The following KNL1 variants were observed in gnomAD, a reference collection of about 807,000 sequenced individuals.
KNL1 encodes the protein outer kinetochore KNL1 complex subunit KNL1.
Under a neutral mutation model 201.3 loss-of-function variants are expected in KNL1, and 66 were observed. The ratio of observed to expected loss-of-function variants is 0.33; its 90% CI spans 0.27 to 0.40. The LOEUF (loss-of-function observed/expected upper bound fraction) is 0.40, where lower values mean the gene tolerates loss of function less well. KNL1 is among the 10% of genes least tolerant of loss of function. The pLI is 1.00. For synonymous variants in KNL1, 895 were observed against 899.2 expected, an observed-to-expected ratio of 1.00 and a Z score of 0.08; for missense variants, 2,815 against 2,690.5, an observed-to-expected ratio of 1.05 and a Z score of -1.02.
In KNL1 at chr15:40,621,245, G is replaced by C. The variant is rs1567007192; in HGVS notation, c.981G>C (p.Leu327Phe). 6.2e-7 allele frequency: 1 copy of C among 1,613,664 alleles called. No individual in the cohort carries two copies. Among genetic ancestry groups the C allele is most frequent in the Admixed American group, 1.7e-5 (1 of 59,924 alleles). ...DFMDLTFNHTLQILPATGNFS... is the reference protein window; with the variant it reads ...DFMDLTFNHTFQILPATGNFS... The stretch of plus-strand genomic sequence containing the variant: ...TGGACTTGACATTTAACCACACTTT[G>C]CAGATCTTACCTGCAACAGGTAATT... Residue 327 changes from leucine (L) to phenylalanine (F), a missense_variant, in exon 10 of 26, where the codon TTG (leucine) becomes TTC (phenylalanine). Coordinates refer to ENST00000399668, the MANE Select transcript of KNL1 (RefSeq NM_144508.5).
chr15:40,605,133 G>T lies in KNL1; in HGVS notation c.59G>T (p.Arg20Ile). 2 of 1,477,598 alleles carry T rather than the reference G, an allele frequency of 1.4e-6. No individual in the cohort carries two copies. The highest frequency in any genetic ancestry group is 1.9e-6 in the Non-Finnish European group (2 of 1,057,242). The allele number at this position is 1,477,598 out of a possible 1,614,324, so 91.5% of individuals were successfully genotyped here. A position where few individuals can be genotyped will look rare whatever the true frequency, so the allele number is the denominator to read the frequency against. ...EENDNIERPV[R>I]RRHSSILKPP... ...AGTGACAATATAGAGAGACCTGTTA[G>T]AAGACGGCATTCTTCAGTAAGAAAG... The change falls in exon 3 of 26, where the codon AGA becomes ATA. Residue 20 changes from arginine to isoleucine, a missense_variant. Arg to Ile is a moderately conservative substitution (Grantham distance 97). This residue lies in a region of KNL1 where 2,464 missense variants were observed against 2,291.7 expected (regional missense o/e 1.08). Coordinates refer to ENST00000399668, the MANE Select transcript of KNL1 (RefSeq NM_144508.5).
At position 40,651,488 on chromosome 15, in the gene KNL1, A is replaced by T; in HGVS notation, c.6230A>T (p.Glu2077Val). 1 of 1,604,740 alleles carries T rather than the reference A, an allele frequency of 6.2e-7. No individual in the cohort carries two copies. The highest frequency in any genetic ancestry group is 1.1e-5 in the South Asian group (1 of 89,192). Residue 2077 changes from glutamate to valine, a missense_variant, in exon 20 of 26, where the codon GAG (glutamate) becomes GTG (valine). Physicochemically the swap from Glu to Val is moderately radical, Grantham distance 121. Transcript: ENST00000399668. ...ATTTGCAGAAATCTCTTAGAACTGG[A>T]GGTACAAAAAGAGCAGACCCTTGCT... ...EELQRNLLEL[E>V]VQKEQTLAQI...
intron 17 of KNL1, among the ~76,000 whole-genome samples, chr15:40,649,205 T>G (rs1445716893): frequency 6.6e-6 from 1 of 152,070 alleles, no homozygotes; most frequent in Non-Finnish European, 1.5e-5. Context: ...GCTTGACATT[T>G]CATATCTTCT....
rs544275770 is a variant in KNL1 at position 40,623,489 on chromosome 15, C to G, written c.3225C>G (p.Thr1075=). 1.9e-6 allele frequency: 3 copies of G among 1,612,294 alleles called. No individual in the cohort carries two copies. In the South Asian group the frequency reaches 3.3e-5, roughly 18 times the overall value. The change falls in exon 10 of 26, where the codon ACC becomes ACG. Residue 1075 remains threonine (T), a synonymous_variant. Coordinates refer to ENST00000399668, the MANE Select transcript of KNL1 (RefSeq NM_144508.5). ...GCCTTAAGCTAAAAAATGACAAGAC[C>G]ATTGTATTTTCAGAGAATCATAAAA... The part of the protein sequence containing the change: ...RKSLKLKNDK[T]IVFSENHKND...
intron 19 of KNL1, among the ~76,000 whole-genome samples, chr15:40,651,175 A>C (rs1245691174): frequency 6.6e-6 from 1 of 152,040 alleles, no homozygotes; most frequent in Non-Finnish European, 1.5e-5. Context: ...AAAAATAAAA[A>C]TGTAGTATTT....
intron 8 of KNL1, among the ~76,000 whole-genome samples, chr15:40,616,563 G>A (rs560084179): frequency 2.8e-4 from 43 of 152,254 alleles, no homozygotes; most frequent in African/African-American, 9.9e-4. Flanking sequence ...TGGCCATTTG[G>A]CCTACTTTCT....
At chr15:40,628,850 A>T (rs1162680287) in intron 12 of KNL1, among the ~76,000 whole-genome samples, 172 bp downstream of exon 12, 1 of 152,144 alleles carries the variant, frequency 6.6e-6, no homozygotes, top group East Asian at 1.9e-4. Context: ...CAATTAATTA[A>T]ATGGAGTAGA....
At chr15:40,611,777 A>G (rs1297954607) in intron 7 of KNL1, among the ~76,000 whole-genome samples, 1 of 152,048 alleles carries the variant, frequency 6.6e-6, no homozygotes, top group Non-Finnish European at 1.5e-5. Flanking sequence ...TATTAAATTA[A>G]TCTTTCTTAT....
chr15:40,661,924 C>G, intron 25 of KNL1, 150 bp from the exon 26 acceptor site: 1 of 480,932 alleles, frequency 2.1e-6, no homozygotes, highest in Non-Finnish European at 3.8e-6. Context: ...GCCTGTAGTC[C>G]CAGCTACTCG....
Position 40,622,738 on chromosome 15 carries a change from T to C in KNL1, c.2474T>C (p.Met825Thr). 6.2e-7 allele frequency: 1 copy of C among 1,601,956 alleles called. No homozygotes were observed. Among genetic ancestry groups the C allele is most frequent in the Non-Finnish European group, 8.5e-7 (1 of 1,175,878 alleles). ...GGAGTGCTTAAATCTAACTGTATTA[T>C]GGATGTGTTAGAGGACGAAAGTGTA... Reference protein sequence around the residue: ...KSGVLKSNCIMDVLEDESVQK... With the variant: ...KSGVLKSNCITDVLEDESVQK... Residue 825 changes from methionine (M) to threonine (T), a missense_variant, in exon 10 of 26, where the codon ATG becomes ACG. By Grantham distance (81) the Met-to-Thr change is moderately conservative. Transcript: ENST00000399668.
At chr15:40,605,772 G>A (rs572007517) in intron 3 of KNL1, among the ~76,000 whole-genome samples, 36 of 152,160 alleles carry the variant, frequency 2.4e-4, no homozygotes, top group Non-Finnish European at 4.0e-4. Context: ...AGCACAAAAT[G>A]TGTTGGGTTA....
intron 13 of KNL1, 29 bp from the exon 14 acceptor site, chr15:40,640,883 G>T: frequency 7.5e-7 from 1 of 1,333,580 alleles, no homozygotes. Context: ...CAAGATACCA[G>T]TTCTCAGGGA....
intron 2 of KNL1, among the ~76,000 whole-genome samples, chr15:40,603,260 C>G (rs78150115): frequency 3.3e-4 from 50 of 152,252 alleles, no homozygotes; most frequent in African/African-American, 1.1e-3. Context: ...TGGCAGGCCC[C>G]GGTGAGTGAT....
intron 25 of KNL1, among the ~76,000 whole-genome samples, chr15:40,660,067 A>T (rs1188049767): frequency 6.6e-6 from 1 of 151,676 alleles, no homozygotes; most frequent in Non-Finnish European, 1.5e-5. Context: ...AAGCGCCACC[A>T]CACCTAGCTA....
chr15:40,650,371 A>G lies in KNL1; in HGVS notation c.6165A>G (p.Ala2055=). 1 of 1,611,684 alleles carries G rather than the reference A, an allele frequency of 6.2e-7. No homozygotes were observed. Among genetic ancestry groups the G allele is most frequent in the South Asian group, 1.1e-5 (1 of 90,954 alleles). ...AATGGGATTCTGAAATGAGAGCTGC[A>G]GAAAAAGGTAATTGAATTAGTTAAG... ...VEEWDSEMRA[A]EKELEQLKTE... is the part of the protein sequence containing the mutation. Residue 2055 remains alanine, a synonymous_variant, in exon 18 of 26, where the codon GCA becomes GCG. Transcript: ENST00000399668.
chr15:40,627,186 C>T (rs1268518780), intron 10 of KNL1, among the ~76,000 whole-genome samples: 3 of 152,234 alleles, frequency 2.0e-5, no homozygotes, highest in Non-Finnish European at 2.9e-5. Flanking sequence ...TGAGCCACAG[C>T]GCCCAGCCCC....
chr15:40,651,196 T>A (rs1434225705), intron 19 of KNL1, among the ~76,000 whole-genome samples: 1 of 151,942 alleles, frequency 6.6e-6, no homozygotes, highest in Non-Finnish European at 1.5e-5. Context: ...AAAAGTTATC[T>A]TAACATGTGA....
At position 40,625,386 on chromosome 15, in the gene KNL1, T is replaced by A; in HGVS notation, c.5122T>A (p.Ser1708Thr). The A allele has an allele frequency of 6.2e-7, 1 of 1,613,964 alleles. No homozygotes were observed. The change falls in exon 10 of 26, where the codon TCT (serine) becomes ACT (threonine). Residue 1708 changes from serine to threonine, a missense_variant. Ser to Thr is a moderately conservative substitution (Grantham distance 58, BLOSUM62 1). Around this residue, in one of 3 missense-constraint regions of KNL1, gnomAD observed 2,464 missense variants for 2,291.7 expected, o/e 1.08. Coordinates refer to ENST00000399668, the MANE Select transcript of KNL1 (RefSeq NM_144508.5). ...TGCAGGTAAACTGAACCTAAGTCCT[T>A]CTCAATATATAAATGAGGAAAATCT... ...SVAGKLNLSP[S>T]QYINEENLPV...
At chr15:40,632,597 G>GT (rs1892942866) in intron 13 of KNL1, among the ~76,000 whole-genome samples, 1 of 151,696 alleles carries the variant, frequency 6.6e-6, no homozygotes, top group Non-Finnish European at 1.5e-5. Context: ...GCCGGACCCT[G>GT]TCTCAAAAAA....
Sources: gnomAD v4.1 joint callset for allele counts (sites outside exome capture counted in the v4.1 genomes callset) on GRCh38, gnomAD v4.1.1 for gene constraint, gnomAD v4.1.1 regional missense constraint, MANE v1.5 for transcripts, NCBI Gene and HGNC (gene_info 2026-07-23, HGNC 2026-07-21) for gene names.